Variants in RBFOX1 observed in about 807,000 individuals in gnomAD.
The protein encoded by RBFOX1 is RNA binding protein fox-1 homolog 1.
Under a neutral mutation model 57.7 loss-of-function variants are expected in RBFOX1, and 8 were observed. The observed-to-expected ratio is 0.14, with a 90% CI of 0.08 to 0.25. The LOEUF (loss-of-function observed/expected upper bound fraction) is 0.25, where lower values mean the gene tolerates loss of function less well. Ranked by LOEUF, RBFOX1 falls within the 10% of genes least tolerant of loss-of-function variation. RBFOX1 has a pLI of 1.00. For missense variants in RBFOX1, 611 were observed against 548.5 expected, an observed-to-expected ratio of 1.11 and a Z score of -1.14; for synonymous variants, 326 against 222.4, an observed-to-expected ratio of 1.47 and a Z score of -4.15.
chr16:7,148,600 C>G (rs148807033), intron 4 of RBFOX1, among the ~76,000 whole-genome samples: 2 of 152,354 alleles, frequency 1.3e-5, no homozygotes, highest in East Asian at 1.9e-4. Context: ...GTTTGATTTT[C>G]TAACAATTCA....
Position 5,577,110 on chromosome 16 carries a change from C to G in RBFOX1, c.259-21792C>G, listed in dbSNP as rs141920459. ...CAGGACATTTTCCAAGTTGGTCTCT[C>G]TCTCTTAATGGACTATCCCTCGGAG... On this transcript the variant is annotated intron_variant, in intron 2 of 2. Coordinates refer to the RBFOX1 transcript ENST00000585867. Among the ~76,000 whole-genome samples, 482 of 152,364 alleles carry G rather than the reference C, an allele frequency of 3.2e-3. 3 individuals carry two copies. The highest frequency in any genetic ancestry group is 0.011 in the African/African-American group (460 of 41,586).
At chr16:5,635,091 A>T (rs1040717217) in intron 3 of RBFOX1, among the ~76,000 whole-genome samples, 2 of 152,172 alleles carry the variant, frequency 1.3e-5, no homozygotes, top group Non-Finnish European at 2.9e-5. Context: ...CCCAAATGGG[A>T]ACTAATACAG....
intron 3 of RBFOX1, among the ~76,000 whole-genome samples, chr16:5,818,777 C>T (rs937300882): frequency 6.6e-6 from 1 of 152,140 alleles, no homozygotes; most frequent in Non-Finnish European, 1.5e-5. Flanking sequence ...TAATGTCTCC[C>T]CTGAGCATTG....
At chr16:6,750,854 C>G (rs1003254217) in intron 3 of RBFOX1, among the ~76,000 whole-genome samples, 6 of 152,042 alleles carry the variant, frequency 3.9e-5, no homozygotes, top group African/African-American at 1.4e-4. Flanking sequence ...ATGATGAAAC[C>G]AGGAAGCTGA....
At chr16:5,361,273 G>A (rs1275738987) in intron 1 of RBFOX1, among the ~76,000 whole-genome samples, 2 of 142,510 alleles carry the variant, frequency 1.4e-5, no homozygotes, top group South Asian at 2.2e-4. Context: ...CTGTAAACAT[G>A]GGTATAGTTG....
At chr16:6,112,835 A>G (rs2096460975) in intron 1 of RBFOX1, among the ~76,000 whole-genome samples, 1 of 152,232 alleles carries the variant, frequency 6.6e-6, no homozygotes, top group Non-Finnish European at 1.5e-5. Context: ...AGATCAGAGT[A>G]GGATTGACTG....
chr16:7,271,550 A>G (rs1005981978), intron 4 of RBFOX1, among the ~76,000 whole-genome samples: 1 of 152,152 alleles, frequency 6.6e-6, no homozygotes, highest in Non-Finnish European at 1.5e-5. Context: ...GCATGTTAGT[A>G]TAATAACTAG....
At chr16:6,239,685 A>G (rs1053276904) in intron 1 of RBFOX1, among the ~76,000 whole-genome samples, 1 of 151,388 alleles carries the variant, frequency 6.6e-6, no homozygotes. Context: ...TTTAGTAGAG[A>G]CGGGGGTTTC....
At chr16:5,959,891 C>A (rs1347736377) in intron 4 of RBFOX1, among the ~76,000 whole-genome samples, 2 of 152,138 alleles carry the variant, frequency 1.3e-5, no homozygotes, top group Non-Finnish European at 1.5e-5. Flanking sequence ...CAGCTACCAA[C>A]AAGTGTTTTT....
At chr16:6,039,699 A>G (rs932871290) in intron 1 of RBFOX1, among the ~76,000 whole-genome samples, 16 of 152,230 alleles carry the variant, frequency 1.1e-4, no homozygotes, top group Admixed American at 2.6e-4. Flanking sequence ...AAGGTTTAAA[A>G]TCTGCCTTTT....
intron 4 of RBFOX1, among the ~76,000 whole-genome samples, chr16:7,429,720 A>G (rs770937425): frequency 1.2e-4 from 19 of 152,164 alleles, no homozygotes; most frequent in Admixed American, 5.9e-4. Flanking sequence ...GGAATTTACA[A>G]TTTTTATTGG....
intron 3 of RBFOX1, among the ~76,000 whole-genome samples, chr16:6,832,781 T>A (rs1364927934): frequency 6.6e-6 from 1 of 152,228 alleles, no homozygotes; most frequent in Non-Finnish European, 1.5e-5. Flanking sequence ...GCCAGGCTTG[T>A]GCTCCTAGGT....
intron 4 of RBFOX1, among the ~76,000 whole-genome samples, chr16:7,372,154 T>G (rs1480569892): frequency 1.3e-5 from 2 of 152,274 alleles, no homozygotes; most frequent in South Asian, 2.1e-4. Flanking sequence ...GATTCAAAAC[T>G]TACCTCCTAC....
intron 1 of RBFOX1, among the ~76,000 whole-genome samples, chr16:5,446,552 C>T (rs1322908103): frequency 6.6e-6 from 1 of 152,128 alleles, no homozygotes; most frequent in Non-Finnish European, 1.5e-5. Flanking sequence ...TCCTCTTCCT[C>T]CTCCTCCTGT....
At chr16:5,942,959 G>C (rs902158360) in intron 4 of RBFOX1, among the ~76,000 whole-genome samples, 1 of 152,188 alleles carries the variant, frequency 6.6e-6, no homozygotes, top group East Asian at 1.9e-4. Context: ...CGGGCTGGTA[G>C]GGCTTGACTG....
At chr16:6,286,463 C>T (rs183878625) in intron 1 of RBFOX1, among the ~76,000 whole-genome samples, 1 of 152,324 alleles carries the variant, frequency 6.6e-6, no homozygotes, top group East Asian at 1.9e-4. Flanking sequence ...CCCTCTCCTC[C>T]TTCATACATT....
At chr16:6,797,955 A>G (rs1438117154) in intron 3 of RBFOX1, among the ~76,000 whole-genome samples, 1 of 152,066 alleles carries the variant, frequency 6.6e-6, no homozygotes, top group African/African-American at 2.4e-5. Context: ...GATGATGATG[A>G]TGGTGATCAC....
At chr16:6,980,217 T>G (rs1363793529) in intron 3 of RBFOX1, among the ~76,000 whole-genome samples, 2 of 152,172 alleles carry the variant, frequency 1.3e-5, no homozygotes, top group Non-Finnish European at 2.9e-5. Flanking sequence ...CTGATATAAC[T>G]TGAAAAATTA....
At chr16:5,938,782 G>A (rs1313468241) in intron 4 of RBFOX1, among the ~76,000 whole-genome samples, 1 of 152,152 alleles carries the variant, frequency 6.6e-6, no homozygotes, top group African/African-American at 2.4e-5. Context: ...TCACCACAAA[G>A]CAGGAGGAAG....
Sources: gnomAD v4.1 joint callset for allele counts (sites outside exome capture counted in the v4.1 genomes callset) on GRCh38, gnomAD v4.1.1 for gene constraint, MANE v1.5 for transcripts, NCBI Gene and HGNC (gene_info 2026-07-23, HGNC 2026-07-21) for gene names.